SCAF1: variants seen among roughly 807,000 people sequenced by gnomAD.
SCAF1 encodes splicing factor, arginine/serine-rich 19.
Under a neutral mutation model 91.2 loss-of-function variants are expected in SCAF1, and 28 were observed. That is an observed-to-expected ratio of 0.31 (90% CI 0.23 to 0.42). The LOEUF (loss-of-function observed/expected upper bound fraction) is 0.42, where lower values mean the gene tolerates loss of function less well. SCAF1 is among the 10% of genes least tolerant of loss of function. The probability of loss-of-function intolerance (pLI) is 1.00; values close to 1 mark genes in which losing one functional copy is unlikely to be tolerated. For synonymous variants in SCAF1, 1,036 were observed against 833.7 expected (o/e 1.24, Z -4.18); for missense variants, 1,893 against 1,872.1 (o/e 1.01, Z -0.21).
rs3833232 is a variant in SCAF1, at chr19:49,652,104, GCCGCTCCCGCTCCCGCTC to G, written c.1729_1746del (p.Arg577_Ser582del). 2.0e-4 allele frequency: 229 copies of G among 1,132,412 alleles called. No individual in the cohort carries two copies. The highest frequency in any genetic ancestry group is 4.1e-4 in the Middle Eastern group (1 of 2,450). The allele number at this position is 1,132,412 out of a possible 1,614,324, so 70.1% of individuals were successfully genotyped here. On this transcript the variant is annotated inframe_deletion, in exon 7 of 11. Coordinates refer to ENST00000360565, the MANE Select transcript of SCAF1 (RefSeq NM_021228.3). ...TCCCACGCCTCGTCGTCCGCCCGCC[GCCGCTCCCGCTCCCGCTC>G]CCGCTCCCGCTCCACCCGCCGCCGC...
intron 10 of SCAF1, 41 bp from the exon 11 acceptor site, chr19:49,658,167 C>T (rs765901260): frequency 5.7e-6 from 9 of 1,587,720 alleles, no homozygotes; most frequent in Admixed American, 3.4e-5. Context: ...GATGGGGCCC[C>T]GGGAGCCTGG....
In SCAF1 at chr19:49,652,385, G is replaced by T. The variant is rs770637228; in HGVS notation, c.1996G>T (p.Ala666Ser). 1 of 1,553,948 alleles carries T rather than the reference G, an allele frequency of 6.4e-7. No individual in the cohort carries two copies. Among genetic ancestry groups the T allele is most frequent in the South Asian group, 1.2e-5 (1 of 85,176 alleles). The change falls in exon 7 of 11, where the codon GCC becomes TCC. Residue 666 changes from alanine (A) to serine (S), a missense_variant. By Grantham distance (99) the Ala-to-Ser change is moderately conservative. Transcript: ENST00000360565. ...TGGCAGCGAGAAGGCCCCGGCGCCC[G>T]CCCCGCCGCCCTCTGGCTCCACCTC... ...GDGSEKAPAP[A>S]PPPSGSTSCG...
chr19:49,645,347 T>C lies in SCAF1; in HGVS notation c.109-7T>C, dbSNP rs778549088. ...CTCTGACGCTTGGTTCTTCCCCCCT[T>C]CCCCAGCGAGCCATCCAGCAGGCTG... On this transcript the variant is annotated splice_polypyrimidine_tract_variant and splice_region_variant and intron_variant, in intron 2 of 10. Transcript: ENST00000360565. The surrounding 1 kb of genome is among the most constrained non-coding windows in gnomAD (Gnocchi z 4.6). 6.2e-7 allele frequency: 1 copy of C among 1,613,738 alleles called. No individual in the cohort carries two copies. Among genetic ancestry groups the C allele is most frequent in the African/African-American group, 1.3e-5 (1 of 74,998 alleles).
At position 49,645,477 on chromosome 19, in the gene SCAF1, C is replaced by A; in HGVS notation, c.166+66C>A. On this transcript the variant is annotated intron_variant, in intron 3 of 10. Transcript: ENST00000360565. This position sits in a 1 kb window ranked among gnomAD's most constrained non-coding sequence, Gnocchi z 4.6. ...CTGCATTCTTTATCCTAATGTCATT[C>A]ATACAAGCTTTTCTGAAGCCTCCTG... The A allele has an allele frequency of 6.6e-7, 1 of 1,526,242 alleles. No individual in the cohort carries two copies. Among genetic ancestry groups the A allele is most frequent in the Non-Finnish European group, 8.9e-7 (1 of 1,119,668 alleles). The allele number at this position is 1,526,242 out of a possible 1,614,324, so 94.5% of individuals were successfully genotyped here.
At position 49,647,017 on chromosome 19, in the gene SCAF1, C is replaced by T. The variant is rs1230462258; in HGVS notation, c.478+187C>T. On this transcript the variant is annotated intron_variant, in intron 6 of 10. Coordinates refer to ENST00000360565, the MANE Select transcript of SCAF1 (RefSeq NM_021228.3). The stretch of plus-strand genomic sequence containing the variant: ...TAAAGTAAAAACTGATGTGCTGGGG[C>T]TATGTGGGAGTGGTCAGCGTGTGTG... 2.0e-5 allele frequency among the ~76,000 whole-genome samples: 3 copies of T among 152,214 alleles called. No individual in the cohort carries two copies. In the East Asian group the frequency reaches 5.8e-4, roughly 29 times the overall value.
upstream of SCAF1, among the ~76,000 whole-genome samples, chr19:49,640,632 C>G (rs756179643): frequency 1.3e-5 from 2 of 152,160 alleles, no homozygotes; most frequent in Non-Finnish European, 2.9e-5. Flanking sequence ...CCTAGCCAAG[C>G]TTTCGACCCC....
At position 49,652,662 on chromosome 19, in the gene SCAF1, C is replaced by T; in HGVS notation, c.2273C>T (p.Ser758Phe). 1.9e-6 allele frequency: 3 copies of T among 1,562,436 alleles called. No individual in the cohort carries two copies. Among genetic ancestry groups the T allele is most frequent in the Non-Finnish European group, 1.7e-6 (2 of 1,153,584 alleles). Residue 758 changes from serine (S) to phenylalanine (F), a missense_variant, in exon 7 of 11, where the codon TCC (serine) becomes TTC (phenylalanine). Ser to Phe is a radical substitution (Grantham distance 155, BLOSUM62 -2). Coordinates refer to ENST00000360565, the MANE Select transcript of SCAF1 (RefSeq NM_021228.3). ...QKDRRRSGAA[S>F]SSSSSREKGS... ...GATCGGCGCCGCTCGGGGGCCGCCTCCTCCTCCTCCTCTTCCCGGGAGAAG... is the reference window on the plus strand; with the variant it reads ...GATCGGCGCCGCTCGGGGGCCGCCTTCTCCTCCTCCTCTTCCCGGGAGAAG...
At chr19:49,654,565 G>A (rs1440566889) in intron 8 of SCAF1, 87 bp from the exon 9 acceptor site, 2 of 1,367,492 alleles carry the variant, frequency 1.5e-6, no homozygotes, top group African/African-American at 2.9e-5. Context: ...TCAGCTGTGG[G>A]GAAGTCAGCG....
chr19:49,644,811 A>G (rs2081045198), intron 1 of SCAF1: 1 of 418,780 alleles, frequency 2.4e-6, no homozygotes, highest in Non-Finnish European at 4.2e-6. Context: ...GAAAAAAGGA[A>G]GAGAATTGCT....
At chr19:49,657,052 G>A (rs2081143792) in intron 9 of SCAF1, among the ~76,000 whole-genome samples, 3 of 152,312 alleles carry the variant, frequency 2.0e-5, no homozygotes, top group South Asian at 4.1e-4. Context: ...TATTCAGGAG[G>A]CTGAGGTGGG....
intron 10 of SCAF1, 84 bp from the exon 11 acceptor site, chr19:49,658,124 G>T: frequency 7.0e-7 from 1 of 1,427,350 alleles, no homozygotes; most frequent in Non-Finnish European, 9.6e-7. Context: ...TCCTCCTACC[G>T]CAGTTCCAAG....
chr19:49,643,793 G>T (rs907675997), intron 1 of SCAF1, among the ~76,000 whole-genome samples: 5 of 152,328 alleles, frequency 3.3e-5, no homozygotes, highest in South Asian at 2.1e-4. Context: ...GGTGAAAGAG[G>T]CTGGGATGTA....
Position 49,658,198 on chromosome 19 carries a change from G to A in SCAF1, c.3748-10G>A. 6.2e-7 allele frequency: 1 copy of A among 1,608,124 alleles called. No individual in the cohort carries two copies. The highest frequency in any genetic ancestry group is 8.5e-7 in the Non-Finnish European group (1 of 1,175,948). On this transcript the variant is annotated splice_polypyrimidine_tract_variant and intron_variant, in intron 10 of 10. Transcript: ENST00000360565. Reference sequence around the variant, plus strand: ...CCTGGTGGTGACTCCAACTGTCCCCGGCCCCCCAGATCTGCCACAGCAAAA... The same window carrying A: ...CCTGGTGGTGACTCCAACTGTCCCCAGCCCCCCAGATCTGCCACAGCAAAA...
In SCAF1 at chr19:49,651,485, A is replaced by G. The variant is rs998413511; in HGVS notation, c.1096A>G (p.Lys366Glu). 3 of 1,578,996 alleles carry G rather than the reference A, an allele frequency of 1.9e-6. No individual in the cohort carries two copies. In the African/African-American group the frequency reaches 4.1e-5, roughly 21 times the overall value. The change falls in exon 7 of 11, where the codon AAG (lysine) becomes GAG (glutamate). Residue 366 changes from lysine to glutamate, a missense_variant. Physicochemically the swap from Lys to Glu is moderately conservative, Grantham distance 56 (BLOSUM62 1). Coordinates refer to ENST00000360565, the MANE Select transcript of SCAF1 (RefSeq NM_021228.3). ...GTEAEACREGKVSVEVVTAGG... is the reference protein window; with the variant it reads ...GTEAEACREGEVSVEVVTAGG... ...CGAGGCAGAGGCTTGTCGGGAAGGC[A>G]AGGTCTCGGTGGAGGTGGTGACCGC...
At chr19:49,641,437 C>T (rs2094155854), upstream of SCAF1, among the ~76,000 whole-genome samples, 1 of 152,220 alleles carries the variant, frequency 6.6e-6, no homozygotes, top group Non-Finnish European at 1.5e-5. Context: ...CTACCTCAGC[C>T]TCCCGAGTAG....
In SCAF1 at chr19:49,651,181, C is replaced by A. The variant is rs1341581609; in HGVS notation, c.792C>A (p.Thr264=). Reference sequence around the variant, plus strand: ...CCAACCCCAGCTCATCAGCGGGGACCCCCTCACCTGAGGAGGAAGAGGAGG... The same window carrying A: ...CCAACCCCAGCTCATCAGCGGGGACACCCTCACCTGAGGAGGAAGAGGAGG... ...TGSNPSSSAG[T]PSPEEEEEEE... Residue 264 remains threonine, a synonymous_variant, in exon 7 of 11, where the codon ACC becomes ACA. Coordinates refer to ENST00000360565, the MANE Select transcript of SCAF1 (RefSeq NM_021228.3). 1 of 1,613,168 alleles carries A rather than the reference C, an allele frequency of 6.2e-7. No homozygotes were observed. The highest frequency in any genetic ancestry group is 2.2e-5 in the East Asian group (1 of 44,864).
intron 9 of SCAF1, among the ~76,000 whole-genome samples, chr19:49,657,018 G>C (rs929015628): frequency 6.6e-6 from 1 of 152,158 alleles, no homozygotes; most frequent in African/African-American, 2.4e-5. Flanking sequence ...AGCCAGGCGT[G>C]GGGGTGGCAC....
At chr19:49,648,564 C>CCG (rs1555748503) in intron 6 of SCAF1, among the ~76,000 whole-genome samples, 12 of 150,394 alleles carry the variant, frequency 8.0e-5, no homozygotes, top group African/African-American at 2.7e-4. Context: ...TGCCACACCC[C>CCG]CCCCCCTTTT....
At position 49,654,444 on chromosome 19, in the gene SCAF1, G is replaced by C; in HGVS notation, c.3399+13G>C. On this transcript the variant is annotated intron_variant, in intron 8 of 10. Coordinates refer to ENST00000360565, the MANE Select transcript of SCAF1 (RefSeq NM_021228.3). The stretch of plus-strand genomic sequence containing the variant: ...GGCCACCAACCAGGTGGGCTCCCCT[G>C]GGGGAGAGTCCCTGCCGCCCCTTCT... The C allele has an allele frequency of 6.2e-7, 1 of 1,610,710 alleles. No homozygotes were observed. Among genetic ancestry groups the C allele is most frequent in the Non-Finnish European group, 8.5e-7 (1 of 1,177,782 alleles).
Sources: allele counts gnomAD v4.1 joint callset (sites outside exome capture counted in the v4.1 genomes callset), GRCh38; gene constraint gnomAD v4.1.1; non-coding constraint Gnocchi (gnomAD v3.1); transcripts MANE v1.5; gene names NCBI Gene and HGNC (gene_info 2026-07-23, HGNC 2026-07-21).